Variants in COPZ2 observed in about 807,000 individuals in gnomAD.
COPZ2 encodes the protein coatomer subunit zeta-2.
A neutral mutation model predicts 33.2 loss-of-function variants in COPZ2; 30 were observed. That is an observed-to-expected ratio of 0.90 (90% CI 0.68 to 1.23). The LOEUF is 1.23. Among genes scored for constraint, COPZ2 ranks in the 50% most tolerant of loss-of-function variants. COPZ2 has a pLI of 0.00. For synonymous variants in COPZ2, 89 were observed against 102.6 expected (o/e 0.87, Z 0.80); for missense variants, 263 against 262.4 (o/e 1.00, Z -0.02).
intron 2 of COPZ2, among the ~76,000 whole-genome samples, 183 bp from the exon 3 acceptor site, chr17:48,034,127 A>G (rs2036942815): frequency 6.6e-6 from 1 of 152,198 alleles, no homozygotes; most frequent in Non-Finnish European, 1.5e-5. Flanking sequence ...ATTCTTTTTT[A>G]GATGGAGTTT....
chr17:48,027,548 T>C (rs2036834270), intron 8 of COPZ2: 1 of 152,198 alleles, frequency 6.6e-6, no homozygotes, highest in African/African-American at 2.4e-5. Flanking sequence ...CTCCCTACCC[T>C]CTTTCCACTC....
At chr17:48,032,295 G>A (rs2036906453) in intron 5 of COPZ2, 62 bp from the exon 6 acceptor site, 3 of 1,416,706 alleles carry the variant, frequency 2.1e-6, no homozygotes, top group African/African-American at 2.8e-5. Flanking sequence ...TCCCTGCCTA[G>A]GTGAGGCTGA....
At chr17:48,032,000 G>C (rs1436848757) in intron 6 of COPZ2, 156 bp downstream of exon 6, 1 of 653,178 alleles carries the variant, frequency 1.5e-6, no homozygotes. Flanking sequence ...TGGGGCGCTA[G>C]TAAGGGGAAG....
chr17:48,030,503 G>A (rs1475826044), intron 6 of COPZ2, among the ~76,000 whole-genome samples: 2 of 152,118 alleles, frequency 1.3e-5, no homozygotes, highest in Non-Finnish European at 2.9e-5. Flanking sequence ...CTTACCCACT[G>A]AGACTCCTCC....
intron 3 of COPZ2, among the ~76,000 whole-genome samples, chr17:48,033,656 G>C (rs75987916): frequency 6.6e-6 from 1 of 152,182 alleles, no homozygotes; most frequent in African/African-American, 2.4e-5. Context: ...TGGGGGGTTG[G>C]GTAGTTGGGG....
chr17:48,039,646 C>A (rs2037042253), upstream of COPZ2, among the ~76,000 whole-genome samples: 1 of 152,138 alleles, frequency 6.6e-6, no homozygotes, highest in African/African-American at 2.4e-5. Flanking sequence ...AGGCGTGAAC[C>A]ACCATTCCCA....
chr17:48,035,879 G>A (rs181235903), intron 2 of COPZ2, among the ~76,000 whole-genome samples: 59 of 150,906 alleles, frequency 3.9e-4, no homozygotes, highest in Middle Eastern at 6.8e-3. Context: ...TCAGCCTCTC[G>A]AGTAGCTGGG....
At position 48,032,669 on chromosome 17, in the gene COPZ2, C is replaced by T. The variant is rs770475712; in HGVS notation, c.416+17G>A. 4 of 1,577,372 alleles carry T rather than the reference C, an allele frequency of 2.5e-6. No homozygotes were observed. The Admixed American group carries it at 7.3e-5, about 29-fold the overall frequency. ...GCCAGGGGGATGGGGCCTCGGAGGGCAGAGAACCTCACTCACCTTAACATG... is the reference window on the plus strand; with the variant it reads ...GCCAGGGGGATGGGGCCTCGGAGGGTAGAGAACCTCACTCACCTTAACATG... On this transcript the variant is annotated intron_variant, in intron 5 of 8. Transcript: ENST00000621465.
Position 48,033,926 on chromosome 17 carries a change from G to C in COPZ2, c.205C>G (p.Pro69Ala). 1 of 1,609,926 alleles carries C rather than the reference G, an allele frequency of 6.2e-7. No homozygotes were observed. Among genetic ancestry groups the C allele is most frequent in the Non-Finnish European group, 8.5e-7 (1 of 1,177,594 alleles). Residue 69 changes from proline (P) to alanine (A), a missense_variant, in exon 3 of 9, where the codon CCC becomes GCC. Coordinates refer to ENST00000621465, the MANE Select transcript of COPZ2 (RefSeq NM_016429.4). ...LLAKYYDDTFPSMKEQMVFEK... is the reference protein window; with the variant it reads ...LLAKYYDDTFASMKEQMVFEK... ...AAAACCATCTGCTCCTTCATGGAGG[G>C]GAATGTGTCATCATAATACTATGAG... is the stretch of plus-strand genomic sequence containing the variant.
In COPZ2 at chr17:48,028,530, AG is replaced by A. The variant is rs1241950095; in HGVS notation, c.547-21del. On this transcript the variant is annotated intron_variant, in intron 7 of 8. Coordinates refer to ENST00000621465, the MANE Select transcript of COPZ2 (RefSeq NM_016429.4). This position sits in a 1 kb window ranked among gnomAD's most constrained non-coding sequence, Gnocchi z 4.5. Reference sequence around the variant, plus strand: ...ATCTGCCTGTAAGGAAGCAGAGTCAAGGGGTGGGGTAGGGCCAGCATGAGGG... The same window carrying A: ...ATCTGCCTGTAAGGAAGCAGAGTCAAGGGTGGGGTAGGGCCAGCATGAGGG... 6.2e-7 allele frequency: 1 copy of A among 1,604,382 alleles called. No individual in the cohort carries two copies. Among genetic ancestry groups the A allele is most frequent in the South Asian group, 1.1e-5 (1 of 89,166 alleles).
chr17:48,042,134 CTTTT>C (rs1366846279), upstream of COPZ2, among the ~76,000 whole-genome samples: 2 of 150,996 alleles, frequency 1.3e-5, no homozygotes, highest in Non-Finnish European at 3.0e-5. Context: ...TTTTCTTTTT[CTTTT>C]TTTCTTTTTT....
Position 48,028,532 on chromosome 17 carries a change from G to T in COPZ2, c.547-22C>A. 1 of 1,603,052 alleles carries T rather than the reference G, an allele frequency of 6.2e-7. No homozygotes were observed. Among genetic ancestry groups the T allele is most frequent in the Non-Finnish European group, 8.5e-7 (1 of 1,175,016 alleles). The stretch of plus-strand genomic sequence containing the variant: ...CTGCCTGTAAGGAAGCAGAGTCAAG[G>T]GGTGGGGTAGGGCCAGCATGAGGGT... On this transcript the variant is annotated intron_variant, in intron 7 of 8. Coordinates refer to ENST00000621465, the MANE Select transcript of COPZ2 (RefSeq NM_016429.4). This position sits in a 1 kb window ranked among gnomAD's most constrained non-coding sequence, Gnocchi z 4.5.
rs765441421 is a variant in COPZ2 at position 48,037,714 on chromosome 17, C to T, written c.64G>A (p.Gly22Arg). The change falls in exon 1 of 9, where the codon GGG becomes AGG. Residue 22 changes from glycine (G) to arginine (R), a missense_variant. Physicochemically the swap from Gly to Arg is moderately radical, Grantham distance 125 (BLOSUM62 -2). Coordinates refer to ENST00000621465, the MANE Select transcript of COPZ2 (RefSeq NM_016429.4). This position sits in a 1 kb window ranked among gnomAD's most constrained non-coding sequence, Gnocchi z 5.6. The stretch of plus-strand genomic sequence containing the variant: ...GCTCGAGCAGGCGGCGCCGGGCCCC[C>T]GGCCTGGGCCGCCGCGGCCCCCTCC... ...PGEGAAAAQA[G>R]GPAPPARAGE... 84,749 of 1,070,236 alleles carry T rather than the reference C, an allele frequency of 0.079. 3,938 individuals are homozygous for T. The highest frequency in any genetic ancestry group is 0.19 in the African/African-American group (11,371 of 58,740). 66.3% of individuals were successfully genotyped at this position (1,070,236 alleles called of 1,614,324 possible).
rs980156556 is a variant in COPZ2, at chr17:48,026,308, GAGTCAGTT to G, written c.*112_*119del. On this transcript the variant is annotated 3_prime_UTR_variant, in exon 9 of 9. Coordinates refer to ENST00000621465, the MANE Select transcript of COPZ2 (RefSeq NM_016429.4). ...CAGAAGCCCTGGCTGGAGACCTTAG[GAGTCAGTT>G]CTGGGAGGGACCTGGGGATACAGAG... is the stretch of plus-strand genomic sequence containing the variant. The G allele has an allele frequency of 5.3e-6, 4 of 753,062 alleles. No individual in the cohort carries two copies. In the Admixed American group the frequency reaches 7.5e-5, roughly 14 times the overall value. 46.6% of individuals were successfully genotyped at this position (753,062 alleles called of 1,614,324 possible).
chr17:48,028,660 T>C lies in COPZ2; in HGVS notation c.547-150A>G. On this transcript the variant is annotated intron_variant, in intron 7 of 8. Transcript: ENST00000621465. The surrounding 1 kb of genome is among the most constrained non-coding windows in gnomAD (Gnocchi z 4.5). ...CACCTGTGTCACTGGTTAATAGAAG[T>C]CCTGCAGCCTGTCATTTGGAAGCCA... 1.5e-6 allele frequency: 1 copy of C among 673,912 alleles called. No homozygotes were observed. Among genetic ancestry groups the C allele is most frequent in the Non-Finnish European group, 2.5e-6 (1 of 398,896 alleles). 41.7% of individuals were successfully genotyped at this position (673,912 alleles called of 1,614,324 possible).
chr17:48,047,987 C>G, the COPZ2 span: 1 of 152,350 alleles, frequency 6.6e-6, no homozygotes, highest in Non-Finnish European at 1.5e-5. Context: ...GGCCTTCATT[C>G]CCCCGCCACA....
Position 48,026,249 on chromosome 17 carries a change from A to G in COPZ2, c.*179T>C, listed in dbSNP as rs1409157903. 1.3e-5 allele frequency: 8 copies of G among 595,786 alleles called. No homozygotes were observed. Among genetic ancestry groups the G allele is most frequent in the Non-Finnish European group, 2.4e-5 (8 of 334,542 alleles). 36.9% of individuals were successfully genotyped at this position (595,786 alleles called of 1,614,324 possible). On this transcript the variant is annotated 3_prime_UTR_variant, in exon 9 of 9. Coordinates refer to ENST00000621465, the MANE Select transcript of COPZ2 (RefSeq NM_016429.4). Reference sequence around the variant, plus strand: ...TGAGTTAAGGCCAGGGCCGTGAGAAAAGGTGACTCTCCTGAGGCCAAACCT... The same window carrying G: ...TGAGTTAAGGCCAGGGCCGTGAGAAGAGGTGACTCTCCTGAGGCCAAACCT...
At chr17:48,047,661 A>ACGTTCCGC in the COPZ2 span, 5 of 146,698 alleles carry the variant, frequency 3.4e-5, no homozygotes, top group Non-Finnish European at 7.5e-5. Flanking sequence ...CGTTCCGCCA[A>ACGTTCCGC]CGTCCCACCA....
the COPZ2 span, chr17:48,045,692 G>A: frequency 6.6e-6 from 1 of 152,300 alleles, no homozygotes; most frequent in Non-Finnish European, 1.5e-5. Flanking sequence ...CCCTTAGGGA[G>A]CCACATGCAT....
Sources: allele counts gnomAD v4.1 joint callset (sites outside exome capture counted in the v4.1 genomes callset), GRCh38; gene constraint gnomAD v4.1.1; non-coding constraint Gnocchi (gnomAD v3.1); transcripts MANE v1.5; gene names NCBI Gene and HGNC (gene_info 2026-07-23, HGNC 2026-07-21).